CARMIL1: variants seen among roughly 807,000 people sequenced by gnomAD.
The protein encoded by CARMIL1 is capping protein regulator and myosin 1 linker 1.
A neutral mutation model predicts 177.1 loss-of-function variants in CARMIL1; 90 were observed. That is an observed-to-expected ratio of 0.51 (90% CI 0.43 to 0.61). The LOEUF (loss-of-function observed/expected upper bound fraction) is 0.61. Among genes scored for constraint, CARMIL1 ranks in the 20% least tolerant of loss-of-function variants. The pLI, the probability that CARMIL1 is intolerant of heterozygous loss-of-function variation, is 0.00. For missense variants in CARMIL1, 1,380 were observed against 1,667.0 expected (o/e 0.83, Z 3.00); for synonymous variants, 577 against 606.2 (o/e 0.95, Z 0.71).
intron 2 of CARMIL1, among the ~76,000 whole-genome samples, chr6:25,360,121 T>C (rs1392670246): frequency 6.6e-6 from 1 of 152,114 alleles, no homozygotes; most frequent in African/African-American, 2.4e-5. Context: ...CACAATACAG[T>C]CATTGTTCAT....
At chr6:25,389,992 AAAAC>A (rs202116023) in intron 2 of CARMIL1, among the ~76,000 whole-genome samples, 1,917 of 152,304 alleles carry the variant, frequency 0.013, 29 homozygotes, top group African/African-American at 0.041. Context: ...CTAGTTTAAA[AAAAC>A]AAACAGATTT....
chr6:25,441,753 G>A (rs1393706892), intron 5 of CARMIL1, among the ~76,000 whole-genome samples: 1 of 152,160 alleles, frequency 6.6e-6, no homozygotes, highest in African/African-American at 2.4e-5. Flanking sequence ...GTGAACTAGG[G>A]AAGGGTTTAG....
chr6:25,501,905 A>C, intron 17 of CARMIL1, among the ~76,000 whole-genome samples: 1 of 151,798 alleles, frequency 6.6e-6, no homozygotes, highest in Non-Finnish European at 1.5e-5. Flanking sequence ...CATTAGTTTC[A>C]AGCTGGAGTG....
chr6:25,491,785 C>T lies in CARMIL1; in HGVS notation c.1119C>T (p.Ser373=), dbSNP rs368287324. The stretch of plus-strand genomic sequence containing the variant: ...ATGCCATTGTTCATCTGGATTTATC[C>T]AATACAGAATGTTCCCTGGACATGG... ...QPNAIVHLDL[S]NTECSLDMVC... The change falls in exon 14 of 37, where the codon TCC becomes TCT. Residue 373 remains serine (S), a synonymous_variant. Coordinates refer to ENST00000329474, the MANE Select transcript of CARMIL1 (RefSeq NM_017640.6). The T allele has an allele frequency of 1.2e-4, 197 of 1,598,480 alleles. No individual in the cohort carries two copies. In the African/African-American group the frequency reaches 2.5e-3, roughly 20 times the overall value.
At chr6:25,432,666 G>T (rs1330678206) in intron 4 of CARMIL1, among the ~76,000 whole-genome samples, 2 of 152,056 alleles carry the variant, frequency 1.3e-5, no homozygotes, top group East Asian at 3.9e-4. Flanking sequence ...GAATTATAGG[G>T]TTAATTGTTT....
chr6:25,488,429 C>A, intron 12 of CARMIL1, 53 bp from the exon 13 acceptor site: 1 of 1,312,428 alleles, frequency 7.6e-7, no homozygotes, highest in Admixed American at 1.7e-5. Context: ...AAACACAAAC[C>A]TCATTTTGTT....
intron 11 of CARMIL1, 38 bp downstream of exon 11, chr6:25,472,559 G>C: frequency 6.8e-7 from 1 of 1,464,412 alleles, no homozygotes. Context: ...TGCCAGAATT[G>C]TAAGAGGATT....
At chr6:25,453,383 A>C (rs1170149583) in intron 8 of CARMIL1, among the ~76,000 whole-genome samples, 27 of 152,180 alleles carry the variant, frequency 1.8e-4, no homozygotes, top group Admixed American at 1.8e-3. Context: ...GTGATAGTCC[A>C]CTGAAAAAAA....
chr6:25,333,143 C>T (rs1785866057), intron 2 of CARMIL1, among the ~76,000 whole-genome samples: 1 of 152,202 alleles, frequency 6.6e-6, no homozygotes, highest in Non-Finnish European at 1.5e-5. Flanking sequence ...CCCCTCCCTG[C>T]TGTTTACTAC....
At chr6:25,570,538 G>GT (rs1811983961) in intron 29 of CARMIL1, among the ~76,000 whole-genome samples, 1 of 152,130 alleles carries the variant, frequency 6.6e-6, no homozygotes, top group South Asian at 2.1e-4. Flanking sequence ...GGCATTTCCT[G>GT]TTTCCTGGAG....
intron 2 of CARMIL1, among the ~76,000 whole-genome samples, chr6:25,309,191 C>T (rs886898928): frequency 1.3e-5 from 2 of 152,038 alleles, no homozygotes; most frequent in Non-Finnish European, 2.9e-5. Flanking sequence ...CCTAGCCTCT[C>T]TCTTAAAACA....
chr6:25,501,992 TA>T (rs34408599), intron 17 of CARMIL1, among the ~76,000 whole-genome samples: 384 of 97,266 alleles, frequency 3.9e-3, no homozygotes, highest in Middle Eastern at 0.012. Flanking sequence ...AGACATATTG[TA>T]AAAAAAAAAA....
At chr6:25,541,131 G>A (rs957349904) in intron 26 of CARMIL1, among the ~76,000 whole-genome samples, 3 of 152,016 alleles carry the variant, frequency 2.0e-5, no homozygotes, top group Non-Finnish European at 4.4e-5. Flanking sequence ...AATTGGCTTT[G>A]TTATTTATTT....
intron 2 of CARMIL1, among the ~76,000 whole-genome samples, chr6:25,321,662 ATTTAAT>A (rs1237292423): frequency 2.1e-5 from 3 of 143,498 alleles, no homozygotes; most frequent in Admixed American, 6.9e-5. Context: ...TATTAATTTA[ATTTAAT>A]TTTTTTTTTT....
At chr6:25,569,324 A>G (rs1811855163) in intron 29 of CARMIL1, among the ~76,000 whole-genome samples, 1 of 152,174 alleles carries the variant, frequency 6.6e-6, no homozygotes, top group African/African-American at 2.4e-5. Flanking sequence ...CAGGTTTCAG[A>G]GTTTTGGTGA....
chr6:25,496,228 A>G (rs1324380091), intron 16 of CARMIL1, among the ~76,000 whole-genome samples: 1 of 152,158 alleles, frequency 6.6e-6, no homozygotes, highest in South Asian at 2.1e-4. Context: ...CTGTAATCTC[A>G]GCACTCTGGG....
At chr6:25,593,665 C>T (rs1424921741) in intron 31 of CARMIL1, among the ~76,000 whole-genome samples, 4 of 152,172 alleles carry the variant, frequency 2.6e-5, no homozygotes, top group African/African-American at 9.7e-5. Flanking sequence ...TGTCAACCAG[C>T]GTGCAGCCTT....
rs559383610 is a variant in CARMIL1 at position 25,394,209 on chromosome 6, C to T, written c.139-25905C>T. On this transcript the variant is annotated intron_variant, in intron 2 of 36. Transcript: ENST00000329474. ...ATTTTCCCTGGGAAATGGAGCCCTT[C>T]CCGCTATGATTTTGTTCATCTTCTT... Among the ~76,000 whole-genome samples the T allele has an allele frequency of 4.6e-5, 7 of 152,320 alleles. No homozygotes were observed. In the South Asian group the frequency reaches 1.4e-3, roughly 32 times the overall value.
In CARMIL1 at chr6:25,619,527, G is replaced by C. The variant is rs1759566308; in HGVS notation, c.4060G>C (p.Gly1354Arg). 6.2e-7 allele frequency: 1 copy of C among 1,613,758 alleles called. No homozygotes were observed. Among genetic ancestry groups the C allele is most frequent in the African/African-American group, 1.3e-5 (1 of 74,896 alleles). ...GTCCTCCAGTAAAGATGGCCATCAA[G>C]GCAGCAAATCTAATGACTCCGGGGA... Reference protein sequence around the residue: ...QRSSSKDGHQGSKSNDSGEEA... With the variant: ...QRSSSKDGHQRSKSNDSGEEA... The change falls in exon 37 of 37, where the codon GGC (glycine) becomes CGC (arginine). Residue 1354 changes from glycine (G) to arginine (R), a missense_variant. Transcript: ENST00000329474.
Sources: gnomAD v4.1 joint callset for allele counts (sites outside exome capture counted in the v4.1 genomes callset) on GRCh38, gnomAD v4.1.1 for gene constraint, MANE v1.5 for transcripts, NCBI Gene and HGNC (gene_info 2026-07-23, HGNC 2026-07-21) for gene names.